Variants in CNNM1 observed in about 807,000 individuals in gnomAD.
The protein encoded by CNNM1 is metal transporter CNNM1.
CNNM1 carries 44 observed loss-of-function variants against 78.8 expected under a neutral mutation model. That is an observed-to-expected ratio of 0.56 (90% confidence interval 0.44 to 0.72). The LOEUF is 0.72. CNNM1 is among the 30% of genes least tolerant of loss of function. The probability of loss-of-function intolerance (pLI) is 0.00; values close to 1 mark genes in which losing one functional copy is unlikely to be tolerated. For synonymous variants in CNNM1, 584 were observed against 581.5 expected, an observed-to-expected ratio of 1.00 and a Z score of -0.06; for missense variants, 1,101 against 1,292.2, an observed-to-expected ratio of 0.85 and a Z score of 2.27.
rs751135798 is a variant in CNNM1 at position 99,330,870 on chromosome 10, C to G, written c.1483C>G (p.Leu495Val). ...CGTGGACCCCGACGACTGCACCCCGCTCCTCACTGTCACCCGCTTCTACAA... is the reference window on the plus strand; with the variant it reads ...CGTGGACCCCGACGACTGCACCCCGGTCCTCACTGTCACCCGCTTCTACAA... Reference protein sequence around the residue: ...AFVDPDDCTPLLTVTRFYNRP... With the variant: ...AFVDPDDCTPVLTVTRFYNRP... The change falls in exon 1 of 11, where the codon CTC becomes GTC. Residue 495 changes from leucine to valine, a missense_variant. Coordinates refer to ENST00000356713, the MANE Select transcript of CNNM1 (RefSeq NM_020348.3). The G allele has an allele frequency of 6.8e-6, 11 of 1,614,076 alleles. No homozygotes were observed. The East Asian group carries it at 2.0e-4, about 29-fold the overall frequency.
chr10:99,363,910 A>G (rs2031521708), intron 4 of CNNM1, among the ~76,000 whole-genome samples: 1 of 151,860 alleles, frequency 6.6e-6, no homozygotes, highest in Admixed American at 6.6e-5. Flanking sequence ...ACACCCAGCT[A>G]ATTTTTGTAT....
chr10:99,370,978 G>T (rs1295197926), intron 6 of CNNM1, among the ~76,000 whole-genome samples: 2 of 152,188 alleles, frequency 1.3e-5, no homozygotes, highest in African/African-American at 4.8e-5. Flanking sequence ...TTCTGAGAAA[G>T]TCAGTCAGTG....
At chr10:99,355,332 G>A (rs1420544861) in intron 1 of CNNM1, among the ~76,000 whole-genome samples, 3 of 151,726 alleles carry the variant, frequency 2.0e-5, no homozygotes, top group East Asian at 3.9e-4. Context: ...GTTAAATGAC[G>A]AGTTACTGGA....
chr10:99,344,358 G>A (rs1268766543), intron 1 of CNNM1, among the ~76,000 whole-genome samples: 2 of 149,276 alleles, frequency 1.3e-5, no homozygotes, highest in African/African-American at 4.9e-5. Context: ...TGGGGGTGGG[G>A]GGGAATAGTG....
chr10:99,377,647 G>A (rs1222751381), intron 7 of CNNM1, among the ~76,000 whole-genome samples: 2 of 152,154 alleles, frequency 1.3e-5, no homozygotes, highest in African/African-American at 4.8e-5. Flanking sequence ...CTATACATCT[G>A]CCTGTCTGTT....
chr10:99,346,064 AC>A (rs756171847), intron 1 of CNNM1, among the ~76,000 whole-genome samples: 4 of 152,170 alleles, frequency 2.6e-5, no homozygotes, highest in Non-Finnish European at 5.9e-5. Context: ...CAAAAAAAAT[AC>A]CAAAAAATCA....
chr10:99,340,152 A>C (rs1044248119), intron 1 of CNNM1, among the ~76,000 whole-genome samples: 2 of 152,216 alleles, frequency 1.3e-5, no homozygotes, highest in Admixed American at 6.5e-5. Flanking sequence ...CAAGATGATA[A>C]ACTTGTGGGG....
Position 99,393,773 on chromosome 10 carries a change from A to G in CNNM1, c.*2257A>G, listed in dbSNP as rs1334462266. 6.6e-6 allele frequency: 1 copy of G among 152,240 alleles called. No individual in the cohort carries two copies. The highest frequency in any genetic ancestry group is 1.5e-5 in the Non-Finnish European group (1 of 68,104). 9.4% of individuals were successfully genotyped at this position (152,240 alleles called of 1,614,324 possible). ...TGTCCCCTCTTCCCCAACAACCCAG[A>G]GCAGGTGTTGCAGACAGGAGGGCCA... On this transcript the variant is annotated 3_prime_UTR_variant, in exon 11 of 11. Coordinates refer to ENST00000356713, the MANE Select transcript of CNNM1 (RefSeq NM_020348.3).
At chr10:99,343,005 G>A (rs1041890750) in intron 1 of CNNM1, among the ~76,000 whole-genome samples, 16 of 150,174 alleles carry the variant, frequency 1.1e-4, no homozygotes, top group African/African-American at 2.7e-4. Context: ...CACTTTTGTC[G>A]CCCAGGCTGG....
At chr10:99,373,453 C>T (rs529044361) in intron 6 of CNNM1, among the ~76,000 whole-genome samples, 7 of 152,328 alleles carry the variant, frequency 4.6e-5, no homozygotes, top group African/African-American at 1.2e-4. Flanking sequence ...CTCTCTGCCC[C>T]GCTTTTCTGC....
intron 1 of CNNM1, among the ~76,000 whole-genome samples, chr10:99,357,011 G>T (rs1044957522): frequency 2.0e-4 from 31 of 152,164 alleles, no homozygotes; most frequent in African/African-American, 7.5e-4. Flanking sequence ...CTCTCCGTGG[G>T]AGGCATACCA....
chr10:99,361,395 A>G (rs1297413139), intron 3 of CNNM1, among the ~76,000 whole-genome samples: 1 of 152,226 alleles, frequency 6.6e-6, no homozygotes, highest in Non-Finnish European at 1.5e-5. Flanking sequence ...TAGAAAGAAA[A>G]AAAAGTGAGA....
intron 6 of CNNM1, chr10:99,368,808 A>G: frequency 1.9e-6 from 1 of 529,346 alleles, no homozygotes. Context: ...AAGGCATAGC[A>G]CTTTGCACAA....
intron 6 of CNNM1, among the ~76,000 whole-genome samples, chr10:99,369,097 A>T (rs945782649): frequency 6.6e-6 from 1 of 152,188 alleles, no homozygotes; most frequent in Admixed American, 6.5e-5. Context: ...TTACTATGTG[A>T]TGATCATATG....
In CNNM1 at chr10:99,365,121, C is replaced by A. The variant is rs778044652; in HGVS notation, c.2176+119C>A. 4 of 991,850 alleles carry A rather than the reference C, an allele frequency of 4.0e-6. No individual in the cohort carries two copies. The South Asian group carries it at 4.1e-5, about 10-fold the overall frequency. The allele number at this position is 991,850 out of a possible 1,614,324, so 61.4% of individuals were successfully genotyped here. ...TGGGGCTAAGACAAATGCTGGCAGC[C>A]CCTTTGTAATGTTCTGCCAGGAACA... On this transcript the variant is annotated intron_variant, in intron 6 of 10. Transcript: ENST00000356713.
chr10:99,334,659 T>G (rs2030087649), intron 1 of CNNM1, among the ~76,000 whole-genome samples: 1 of 151,946 alleles, frequency 6.6e-6, no homozygotes, highest in Non-Finnish European at 1.5e-5. Flanking sequence ...TCAAAATAAA[T>G]AAATAAATAA....
At chr10:99,361,033 G>C (rs2031415008) in intron 3 of CNNM1, 58 bp downstream of exon 3, 2 of 1,491,556 alleles carry the variant, frequency 1.3e-6, no homozygotes, top group Non-Finnish European at 1.8e-6. Context: ...TGGGACCCAG[G>C]CACCAATCGT....
chr10:99,387,965 C>G lies in CNNM1; in HGVS notation c.2486C>G (p.Pro829Arg), dbSNP rs1467415655. 3.1e-6 allele frequency: 5 copies of G among 1,601,358 alleles called. No homozygotes were observed. In the Admixed American group the frequency reaches 5.2e-5, roughly 17 times the overall value. The change falls in exon 8 of 11, where the codon CCC becomes CGC. Residue 829 changes from proline (P) to arginine (R), a missense_variant. Physicochemically the swap from Pro to Arg is moderately radical, Grantham distance 103. This residue lies in a region of CNNM1 where 348 missense variants were observed against 384.5 expected (regional missense o/e 0.90). Coordinates refer to ENST00000356713, the MANE Select transcript of CNNM1 (RefSeq NM_020348.3). Reference sequence around the variant, plus strand: ...ACACCCCAGACCCCTAAGGATGACCCCGCCATCACGCTCCTCAACAACAGG... The same window carrying G: ...ACACCCCAGACCCCTAAGGATGACCGCGCCATCACGCTCCTCAACAACAGG... ...RGTPQTPKDD[P>R]AITLLNNRNS...
intron 1 of CNNM1, among the ~76,000 whole-genome samples, chr10:99,356,053 A>C (rs1038798159): frequency 8.5e-5 from 13 of 152,140 alleles, no homozygotes; most frequent in Admixed American, 6.6e-4. Flanking sequence ...AACAACAACT[A>C]TTTTATTATG....
Sources: allele counts gnomAD v4.1 joint callset (sites outside exome capture counted in the v4.1 genomes callset), GRCh38; gene constraint gnomAD v4.1.1; regional missense constraint gnomAD v4.1.1; transcripts MANE v1.5; gene names NCBI Gene and HGNC (gene_info 2026-07-23, HGNC 2026-07-21).